Variants in ADAM29 observed in about 807,000 individuals in gnomAD.
ADAM29 encodes ADAM metallopeptidase domain 29, also known as disintegrin and metalloproteinase domain-containing protein 29.
For missense variants in ADAM29, 969 were observed against 1,001.8 expected (o/e 0.97, Z 0.44); for synonymous variants, 367 against 342.3 (o/e 1.07, Z -0.80).
At chr4:174,965,481 T>TATC (rs111302490) in intron 4 of ADAM29, among the ~76,000 whole-genome samples, 1 of 130,060 alleles carries the variant, frequency 7.7e-6, no homozygotes, top group South Asian at 2.6e-4. Flanking sequence ...AAGCTCTATC[T>TATC]ATCATCTATC....
intron 4 of ADAM29, among the ~76,000 whole-genome samples, chr4:174,961,204 C>T (rs1745799728): frequency 6.6e-6 from 1 of 151,682 alleles, no homozygotes; most frequent in South Asian, 2.1e-4. Flanking sequence ...TTTTTATAAA[C>T]TTCTCATTAT....
At chr4:174,921,811 T>C (rs1743181073) in intron 2 of ADAM29, among the ~76,000 whole-genome samples, 1 of 152,192 alleles carries the variant, frequency 6.6e-6, no homozygotes, top group Non-Finnish European at 1.5e-5. Flanking sequence ...TGTGTGCACA[T>C]GTATACACAC....
At chr4:174,923,261 T>C (rs570143806) in intron 2 of ADAM29, among the ~76,000 whole-genome samples, 5 of 151,940 alleles carry the variant, frequency 3.3e-5, no homozygotes, top group South Asian at 2.1e-4. Flanking sequence ...TTCACCATGT[T>C]GGCCAGGCTG....
intron 4 of ADAM29, among the ~76,000 whole-genome samples, chr4:174,964,015 C>T (rs979788411): frequency 7.9e-5 from 12 of 151,792 alleles, no homozygotes; most frequent in Non-Finnish European, 1.5e-4. Context: ...TATACTTCCT[C>T]TTAAGCTATC....
At chr4:174,921,333 T>C (rs1743150869) in intron 2 of ADAM29, among the ~76,000 whole-genome samples, 1 of 152,212 alleles carries the variant, frequency 6.6e-6, no homozygotes. Context: ...TAAAAAGGCA[T>C]GTGACATTAC....
chr4:174,956,499 T>C (rs1227398538), intron 4 of ADAM29, among the ~76,000 whole-genome samples: 1 of 140,462 alleles, frequency 7.1e-6, no homozygotes, highest in Non-Finnish European at 1.5e-5. Context: ...TGTGTCTGTG[T>C]GTGTGTGTTT....
intron 4 of ADAM29, among the ~76,000 whole-genome samples, chr4:174,941,411 A>G (rs1198103232): frequency 6.6e-6 from 1 of 152,218 alleles, no homozygotes; most frequent in Non-Finnish European, 1.5e-5. Flanking sequence ...GCTATAAAGA[A>G]GTATGTGAGA....
At chr4:174,926,473 A>G (rs1397992855) in intron 2 of ADAM29, among the ~76,000 whole-genome samples, 2 of 152,166 alleles carry the variant, frequency 1.3e-5, no homozygotes, top group Admixed American at 1.3e-4. Context: ...TTTCCATTAA[A>G]ATACTAGTTT....
In ADAM29 at chr4:174,978,149, GAA is replaced by G; in HGVS notation, c.*164_*165del. ...GTACCAATTCCAAAAACTGTATCCA[GAA>G]AAGGTACATTAAAAAAATAATTCCT... On this transcript the variant is annotated 3_prime_UTR_variant, in exon 5 of 5. Coordinates refer to ENST00000359240, the MANE Select transcript of ADAM29 (RefSeq NM_014269.4). 8.7e-7 allele frequency: 1 copy of G among 1,155,588 alleles called. No homozygotes were observed. The highest frequency in any genetic ancestry group is 1.2e-6 in the Non-Finnish European group (1 of 811,276). 71.6% of individuals were successfully genotyped at this position (1,155,588 alleles called of 1,614,324 possible). A position where few individuals can be genotyped will look rare whatever the true frequency, so the allele number is the denominator to read the frequency against.
In ADAM29 at chr4:174,977,439, T is replaced by C. The variant is rs759516122; in HGVS notation, c.1914T>C (p.Asn638=). ...AFCNKRGICN[N]KHHCHCNYLW... is the part of the protein sequence containing the mutation. ...GTAACAAGAGGGGCATCTGCAACAA[T>C]AAACATCACTGCCATTGCAATTATC... The change falls in exon 5 of 5, where the codon AAT becomes AAC. Residue 638 remains asparagine (N), a synonymous_variant. Coordinates refer to ENST00000359240, the MANE Select transcript of ADAM29 (RefSeq NM_014269.4). The C allele has an allele frequency of 5.6e-6, 9 of 1,613,778 alleles. No homozygotes were observed. Among genetic ancestry groups the C allele is most frequent in the Non-Finnish European group, 7.6e-6 (9 of 1,179,932 alleles).
At chr4:174,923,131 C>G (rs1278055460) in intron 2 of ADAM29, among the ~76,000 whole-genome samples, 2 of 152,062 alleles carry the variant, frequency 1.3e-5, no homozygotes, top group Non-Finnish European at 2.9e-5. Context: ...TCTCGGCTCA[C>G]TGCAACCTCC....
At chr4:174,951,793 C>G (rs1440144557) in intron 4 of ADAM29, among the ~76,000 whole-genome samples, 1 of 152,106 alleles carries the variant, frequency 6.6e-6, no homozygotes, top group Admixed American at 6.6e-5. Flanking sequence ...TTTTGAGTAG[C>G]CTTTTCCCTG....
intron 4 of ADAM29, among the ~76,000 whole-genome samples, chr4:174,952,229 G>T (rs540684245): frequency 6.6e-6 from 1 of 151,764 alleles, no homozygotes; most frequent in African/African-American, 2.4e-5. Flanking sequence ...GGCTCTCCGC[G>T]GATTCTTCCT....
At chr4:174,944,303 A>T (rs544317472) in intron 4 of ADAM29, among the ~76,000 whole-genome samples, 1 of 152,200 alleles carries the variant, frequency 6.6e-6, no homozygotes, top group South Asian at 2.1e-4. Context: ...TAAGAACAAA[A>T]ATCCGAGTAG....
intron 4 of ADAM29, among the ~76,000 whole-genome samples, chr4:174,953,904 G>C (rs913189687): frequency 2.6e-5 from 4 of 152,034 alleles, no homozygotes; most frequent in Non-Finnish European, 4.4e-5. Flanking sequence ...TAGAGATGGG[G>C]TTTCACCACG....
At chr4:174,948,637 C>T (rs994545414) in intron 4 of ADAM29, among the ~76,000 whole-genome samples, 6 of 152,194 alleles carry the variant, frequency 3.9e-5, no homozygotes, top group Admixed American at 2.0e-4. Context: ...GGGATCTGTG[C>T]TTGCTCACAT....
chr4:174,972,055 A>G (rs1182927863), intron 4 of ADAM29, among the ~76,000 whole-genome samples: 1 of 151,980 alleles, frequency 6.6e-6, no homozygotes. Flanking sequence ...CTTTAAAAAT[A>G]TTTTCTATGG....
chr4:174,969,051 C>A (rs1427075612), intron 4 of ADAM29, among the ~76,000 whole-genome samples: 1 of 151,962 alleles, frequency 6.6e-6, no homozygotes, highest in Admixed American at 6.6e-5. Context: ...ATTCAACGTT[C>A]ACAAAGACTT....
In ADAM29 at chr4:174,960,187, C is replaced by T. The variant is rs568145169; in HGVS notation, c.-180-15159C>T. ...CTTGATATTGATAATTTTTTGCTCA[C>T]TTAGTGTTTTCTCGAATAATATACC... On this transcript the variant is annotated intron_variant, in intron 4 of 4. Transcript: ENST00000359240. Among the ~76,000 whole-genome samples, 33 of 152,006 alleles carry T rather than the reference C, an allele frequency of 2.2e-4. No homozygotes were observed. In the South Asian group the frequency reaches 3.9e-3, roughly 18 times the overall value.
Sources: gnomAD v4.1 joint callset for allele counts (sites outside exome capture counted in the v4.1 genomes callset) on GRCh38, gnomAD v4.1.1 for gene constraint, MANE v1.5 for transcripts, NCBI Gene and HGNC (gene_info 2026-07-23, HGNC 2026-07-21) for gene names.